The following MMP17 variants were observed in gnomAD, a reference collection of about 807,000 sequenced individuals.
MMP17 encodes matrix metalloproteinase-17.
In MMP17, 54 loss-of-function variants were observed where a neutral mutation model predicts 49.1. The observed-to-expected ratio is 1.10, with a 90% CI of 0.88 to 1.38. The LOEUF is 1.38. MMP17 is among the 40% of genes most tolerant of loss of function. The pLI is 0.00. For synonymous variants in MMP17, 397 were observed against 383.1 expected (o/e 1.04, Z -0.42); for missense variants, 837 against 853.7 (o/e 0.98, Z 0.24).
chr12:131,830,065 G>A (rs1593218462), intron 1 of MMP17, among the ~76,000 whole-genome samples: 2 of 152,222 alleles, frequency 1.3e-5, no homozygotes, highest in African/African-American at 4.8e-5. Context: ...ACCCAGGCCC[G>A]CCTTCCAGGT....
At position 131,844,010 on chromosome 12, in the gene MMP17, T is replaced by C; in HGVS notation, c.897T>C (p.Ser299=). The C allele has an allele frequency of 6.4e-7, 1 of 1,563,444 alleles. No individual in the cohort carries two copies. The highest frequency in any genetic ancestry group is 1.7e-4 in the Middle Eastern group (1 of 5,774). Residue 299 remains serine (S), a synonymous_variant, in exon 6 of 10, where the codon TCT becomes TCC. Coordinates refer to ENST00000360564, the MANE Select transcript of MMP17 (RefSeq NM_016155.7). The stretch of plus-strand genomic sequence containing the variant: ...TGTCTCCCGCAGGTGTGCGGGAGTC[T>C]GTGTCTCCCACGGCGCAGCCCGAGG... ...RVWQLYGVRE[S]VSPTAQPEEP... is the part of the protein sequence containing the mutation.
intron 3 of MMP17, among the ~76,000 whole-genome samples, chr12:131,839,316 TC>T (rs1032105820): frequency 1.3e-5 from 2 of 150,010 alleles, no homozygotes; most frequent in Admixed American, 6.6e-5. Context: ...AGACCCTATT[TC>T]TTTTTTTTTT....
intron 3 of MMP17, among the ~76,000 whole-genome samples, chr12:131,839,254 G>A (rs1245017547): frequency 6.6e-6 from 1 of 151,960 alleles, no homozygotes; most frequent in African/African-American, 2.4e-5. Flanking sequence ...TCGGATTTAG[G>A]GCCCACCCTG....
intron 3 of MMP17, among the ~76,000 whole-genome samples, chr12:131,839,025 G>T (rs1021838323): frequency 6.6e-6 from 1 of 152,220 alleles, no homozygotes; most frequent in South Asian, 2.1e-4. Context: ...ACAAACCAGG[G>T]TACTTCAGAC....
intron 3 of MMP17, 72 bp from the exon 4 acceptor site, chr12:131,840,501 G>C: frequency 6.7e-7 from 1 of 1,500,168 alleles, no homozygotes; most frequent in African/African-American, 1.4e-5. Flanking sequence ...GAGGAGGGGC[G>C]TTCAGGGAAC....
chr12:131,840,487 G>A (rs1433203728), intron 3 of MMP17, 86 bp from the exon 4 acceptor site: 1 of 1,445,454 alleles, frequency 6.9e-7, no homozygotes, highest in Non-Finnish European at 9.3e-7. Flanking sequence ...GGCACCCCCG[G>A]GCTGAGGAGG....
intron 6 of MMP17, chr12:131,844,764 G>A: frequency 3.0e-6 from 1 of 335,974 alleles, no homozygotes; most frequent in Non-Finnish European, 5.7e-6. Context: ...GCTTCTTGTA[G>A]GACCGAATTC....
chr12:131,837,523 G>A (rs1887142094), intron 1 of MMP17, among the ~76,000 whole-genome samples: 1 of 152,154 alleles, frequency 6.6e-6, no homozygotes, highest in African/African-American at 2.4e-5. Context: ...CCCAGACCTT[G>A]GATGCTAGAC....
At chr12:131,839,931 T>C (rs1887297161) in intron 3 of MMP17, 1 of 151,942 alleles carries the variant, frequency 6.6e-6, no homozygotes, top group Non-Finnish European at 1.5e-5. Flanking sequence ...CTGGGAAACA[T>C]AGTGAGACTC....
intron 8 of MMP17, 51 bp from the exon 9 acceptor site, chr12:131,849,751 C>A: frequency 6.4e-7 from 1 of 1,565,440 alleles, no homozygotes; most frequent in Non-Finnish European, 8.7e-7. Context: ...AGCCTCCTGC[C>A]CTTCGGGGTG....
chr12:131,844,662 C>T (rs4964930), intron 6 of MMP17: 104,635 of 217,420 alleles, frequency 0.48, 26,094 homozygotes, highest in Non-Finnish European at 0.54. Context: ...GTTAAAGCTG[C>T]GAAGGAGCCA....
intron 1 of MMP17, among the ~76,000 whole-genome samples, chr12:131,835,965 C>A (rs1887062769): frequency 6.6e-6 from 1 of 152,190 alleles, no homozygotes; most frequent in Non-Finnish European, 1.5e-5. Context: ...GGCCAAAGAT[C>A]CCCACACCCT....
chr12:131,851,424 C>T lies in MMP17; in HGVS notation c.*150C>T. ...GAAGGCCAGCAGAGGGCACTGTCCG[C>T]CAGGGCTGGGCAGGCTCAGGTGGCA... is the stretch of plus-strand genomic sequence containing the variant. On this transcript the variant is annotated 3_prime_UTR_variant, in exon 10 of 10. Transcript: ENST00000360564. 1 of 608,568 alleles carries T rather than the reference C, an allele frequency of 1.6e-6. No individual in the cohort carries two copies. Among genetic ancestry groups the T allele is most frequent in the Non-Finnish European group, 2.5e-6 (1 of 407,664 alleles). The allele number at this position is 608,568 out of a possible 1,614,324, so 37.7% of individuals were successfully genotyped here.
intron 3 of MMP17, among the ~76,000 whole-genome samples, chr12:131,839,339 G>T (rs1167271800): frequency 4.6e-5 from 7 of 151,376 alleles, no homozygotes; most frequent in African/African-American, 1.2e-4. Flanking sequence ...TTGAGACAGG[G>T]TCTCACTTCG....
chr12:131,850,159 G>C, intron 9 of MMP17, 100 bp downstream of exon 9: 1 of 1,424,666 alleles, frequency 7.0e-7, no homozygotes, highest in South Asian at 1.4e-5. Context: ...AAAGGAGGAC[G>C]GCCCCGGTCG....
At chr12:131,832,625 G>A (rs551814344) in intron 1 of MMP17, among the ~76,000 whole-genome samples, 2 of 150,098 alleles carry the variant, frequency 1.3e-5, no homozygotes, top group South Asian at 2.1e-4. Flanking sequence ...TCTGGGATTC[G>A]GGCCCTCCTG....
intron 8 of MMP17, among the ~76,000 whole-genome samples, chr12:131,849,130 C>T (rs534104376): frequency 6.0e-4 from 92 of 152,264 alleles, no homozygotes; most frequent in African/African-American, 2.1e-3. Context: ...GTTTTGAGGG[C>T]GTTTCTAGTG....
chr12:131,828,808 A>G (rs1886645463), intron 1 of MMP17, among the ~76,000 whole-genome samples, 155 bp downstream of exon 1: 1 of 151,900 alleles, frequency 6.6e-6, no homozygotes, highest in African/African-American at 2.4e-5. Flanking sequence ...GGGGAGACTG[A>G]GGCAGGGACG....
In MMP17 at chr12:131,844,144, C is replaced by A. The variant is rs1355149263; in HGVS notation, c.968+63C>A. 21 of 1,361,830 alleles carry A rather than the reference C, an allele frequency of 1.5e-5. No individual in the cohort carries two copies. The Middle Eastern group carries it at 5.8e-4, about 37-fold the overall frequency. 84.4% of individuals were successfully genotyped at this position (1,361,830 alleles called of 1,614,324 possible). ...TGTCTGTCCTCATCCCTGTCCCACG[C>A]AACATTTGCCCCAAATCGTGGCTCA... On this transcript the variant is annotated intron_variant, in intron 6 of 9. Coordinates refer to ENST00000360564, the MANE Select transcript of MMP17 (RefSeq NM_016155.7).
Sources: allele counts gnomAD v4.1 joint callset (sites outside exome capture counted in the v4.1 genomes callset), GRCh38; gene constraint gnomAD v4.1.1; transcripts MANE v1.5; gene names NCBI Gene and HGNC (gene_info 2026-07-23, HGNC 2026-07-21).